TECTA: variants seen among roughly 807,000 people sequenced by gnomAD.
TECTA encodes the protein tectorin alpha.
A neutral mutation model predicts 216.8 loss-of-function variants in TECTA; 128 were observed. That is an observed-to-expected ratio of 0.59 (90% CI 0.51 to 0.68). The LOEUF is 0.68. Among genes scored for constraint, TECTA ranks in the 30% least tolerant of loss-of-function variants. TECTA has a pLI of 0.00. For missense variants in TECTA, 2,551 were observed against 2,786.2 expected, an observed-to-expected ratio of 0.92 and a Z score of 1.90; for synonymous variants, 1,089 against 1,117.1, an observed-to-expected ratio of 0.97 and a Z score of 0.50.
In TECTA at chr11:121,158,601, T is replaced by C. The variant is rs145802092; in HGVS notation, c.4689+377T>C. 2.3e-3 allele frequency among the ~76,000 whole-genome samples: 348 copies of C among 152,328 alleles called. 2 individuals are homozygous for C. Among genetic ancestry groups the C allele is most frequent in the African/African-American group, 7.9e-3 (329 of 41,566 alleles). ...GATTATTCTTGGCTCTGCCCTCTTG[T>C]AGTAAGACCCACCCTTCATCTTTGC... On this transcript the variant is annotated intron_variant, in intron 14 of 23. Transcript: ENST00000392793.
intron 4 of TECTA, chr11:121,110,337 T>C (rs1171528967): frequency 1.3e-5 from 2 of 152,222 alleles, no homozygotes; most frequent in Non-Finnish European, 2.9e-5. Context: ...CTTAGGATTA[T>C]TTCCAATTCC....
intron 17 of TECTA, 103 bp downstream of exon 17, chr11:121,165,486 G>GAGCT: frequency 2.1e-6 from 2 of 943,916 alleles, no homozygotes; most frequent in Non-Finnish European, 3.2e-6. Flanking sequence ...TTCCCAAATA[G>GAGCT]TGAAGCTTTC....
intron 12 of TECTA, among the ~76,000 whole-genome samples, chr11:121,147,723 T>G (rs1946852500): frequency 6.6e-6 from 1 of 152,172 alleles, no homozygotes; most frequent in Non-Finnish European, 1.5e-5. Context: ...GGGAAAGCTC[T>G]GCTGTTTCCC....
chr11:121,120,625 G>A lies in TECTA; in HGVS notation c.1203+1907G>A, dbSNP rs139371646. Among the ~76,000 whole-genome samples, 294 of 152,318 alleles carry A rather than the reference G, an allele frequency of 1.9e-3. 2 individuals are homozygous for A. Among genetic ancestry groups the A allele is most frequent in the African/African-American group, 6.7e-3 (277 of 41,582 alleles). On this transcript the variant is annotated intron_variant, in intron 7 of 23. Transcript: ENST00000392793. Reference sequence around the variant, plus strand: ...CACTGTCTCCATATGCTGGGATTAGGAGCTGGGTTCTGTACATGGATTTTC... The same window carrying A: ...CACTGTCTCCATATGCTGGGATTAGAAGCTGGGTTCTGTACATGGATTTTC...
At chr11:121,144,665 T>C (rs1036633883) in intron 11 of TECTA, among the ~76,000 whole-genome samples, 5 of 152,234 alleles carry the variant, frequency 3.3e-5, no homozygotes, top group African/African-American at 1.2e-4. Context: ...TGGAGTTTAC[T>C]GTTAAGGGAT....
intron 11 of TECTA, 124 bp downstream of exon 11, chr11:121,138,146 A>G (rs774503276): frequency 6.7e-6 from 9 of 1,349,682 alleles, no homozygotes; most frequent in Non-Finnish European, 8.2e-6. Flanking sequence ...ATATTAAAGC[A>G]GAGAGAGGCC....
intron 15 of TECTA, 87 bp downstream of exon 15, chr11:121,160,508 C>T: frequency 1.3e-6 from 2 of 1,545,616 alleles, no homozygotes; most frequent in Non-Finnish European, 8.8e-7. Context: ...ATGCCTTTTC[C>T]TTAGCACTGC....
At chr11:121,123,670 T>A (rs760581856) in intron 7 of TECTA, among the ~76,000 whole-genome samples, 4 of 152,240 alleles carry the variant, frequency 2.6e-5, no homozygotes, top group Admixed American at 6.5e-5. Flanking sequence ...TAAAAGGCCC[T>A]CCAAGACCTG....
intron 2 of TECTA, among the ~76,000 whole-genome samples, chr11:121,103,275 C>T (rs190303719): frequency 5.2e-4 from 79 of 152,272 alleles, no homozygotes; most frequent in African/African-American, 1.9e-3. Flanking sequence ...AAGTGAAAGG[C>T]CACATATGTC....
chr11:121,102,555 T>C, intron 1 of TECTA, 110 bp from the exon 2 acceptor site: 1 of 834,148 alleles, frequency 1.2e-6, no homozygotes, highest in Non-Finnish European at 2.1e-6. Flanking sequence ...TATGTGAATT[T>C]GTTCTATGAC....
chr11:121,133,346 C>G (rs1447010864), intron 10 of TECTA, among the ~76,000 whole-genome samples: 1 of 152,044 alleles, frequency 6.6e-6, no homozygotes, highest in Admixed American at 6.6e-5. Flanking sequence ...ATATACATAA[C>G]CACAGTACAG....
At chr11:121,142,364 T>C (rs1352378718) in intron 11 of TECTA, among the ~76,000 whole-genome samples, 2 of 152,062 alleles carry the variant, frequency 1.3e-5, no homozygotes, top group Non-Finnish European at 2.9e-5. Context: ...CCTCTTTTCC[T>C]CCATTTCTCA....
In TECTA at chr11:121,157,958, G is replaced by C; in HGVS notation, c.4423G>C (p.Gly1475Arg). 6.2e-7 allele frequency: 1 copy of C among 1,613,740 alleles called. No homozygotes were observed. Among genetic ancestry groups the C allele is most frequent in the Non-Finnish European group, 8.5e-7 (1 of 1,179,982 alleles). ...AGACGAGGAGTGTGCGCTGCGCAAC[G>C]GGGTGCGCGGCTGCTTCAGCACCAA... ...KSDEECALRN[G>R]VRGCFSTKTS... The change falls in exon 14 of 24, where the codon GGG becomes CGG. Residue 1475 changes from glycine (G) to arginine (R), a missense_variant. Transcript: ENST00000392793.
At chr11:121,124,561 A>G (rs535282537) in intron 7 of TECTA, among the ~76,000 whole-genome samples, 56 of 152,268 alleles carry the variant, frequency 3.7e-4, no homozygotes, top group Non-Finnish European at 4.7e-4. Context: ...CTCCCATTTT[A>G]TCCTCTATTG....
chr11:121,173,009 G>A (rs980601551), intron 20 of TECTA, among the ~76,000 whole-genome samples: 2 of 150,236 alleles, frequency 1.3e-5, no homozygotes, highest in African/African-American at 4.9e-5. Context: ...GTCTGTTCAT[G>A]TCCTTCACCC....
At position 121,187,907 on chromosome 11, in the gene TECTA, C is replaced by T. The variant is rs559874132; in HGVS notation, c.6075C>T (p.Thr2025=). The part of the protein sequence containing the change: ...AVSLTCRFHV[T]VFKFIGDYDE... The stretch of plus-strand genomic sequence containing the variant: ...CCCTGACCTGTCGCTTTCACGTCAC[C>T]GTCTTTAAATTCATAGGGGATTACG... Residue 2025 remains threonine, a synonymous_variant, in exon 21 of 24, where the codon ACC becomes ACT. Transcript: ENST00000392793. The T allele has an allele frequency of 4.3e-5, 70 of 1,614,220 alleles. 1 individual carries two copies. In the South Asian group the frequency reaches 5.9e-4, roughly 14 times the overall value.
chr11:121,161,916 GA>G (rs1239080567), intron 15 of TECTA, among the ~76,000 whole-genome samples, 158 bp from the exon 16 acceptor site: 2 of 152,124 alleles, frequency 1.3e-5, no homozygotes, highest in African/African-American at 4.8e-5. Context: ...TAGATGGATA[GA>G]ATAGAGACTA....
Position 121,130,001 on chromosome 11 carries a change from A to T in TECTA, c.2731A>T (p.Arg911Trp). 1 of 1,607,112 alleles carries T rather than the reference A, an allele frequency of 6.2e-7. No homozygotes were observed. The highest frequency in any genetic ancestry group is 1.3e-5 in the African/African-American group (1 of 74,796). Reference protein sequence around the residue: ...ELLKFYRSRSRCGIINDPSNS... With the variant: ...ELLKFYRSRSWCGIINDPSNS... ...GCTCAAGTTTTATCGAAGCCGCTCCAGGTGCGGCATCATCAACGACCCCTC... is the reference window on the plus strand; with the variant it reads ...GCTCAAGTTTTATCGAAGCCGCTCCTGGTGCGGCATCATCAACGACCCCTC... The change falls in exon 10 of 24, where the codon AGG becomes TGG. Residue 911 changes from arginine to tryptophan, a missense_variant. Physicochemically the swap from Arg to Trp is moderately radical, Grantham distance 101. This residue lies in a region of TECTA where 2,375 missense variants were observed against 2,563.9 expected (regional missense o/e 0.93). Coordinates refer to ENST00000392793, the MANE Select transcript of TECTA (RefSeq NM_005422.4).
intron 20 of TECTA, among the ~76,000 whole-genome samples, chr11:121,174,737 T>G (rs1466400024): frequency 1.3e-5 from 2 of 152,180 alleles, no homozygotes; most frequent in African/African-American, 4.8e-5. Flanking sequence ...CCTCTTTTTC[T>G]ATTGATTGGA....
Sources: gnomAD v4.1 joint callset for allele counts (sites outside exome capture counted in the v4.1 genomes callset) on GRCh38, gnomAD v4.1.1 for gene constraint, gnomAD v4.1.1 regional missense constraint, MANE v1.5 for transcripts, NCBI Gene and HGNC (gene_info 2026-07-23, HGNC 2026-07-21) for gene names.